ASB11: variants seen among roughly 807,000 people sequenced by gnomAD.
The protein encoded by ASB11 is ankyrin repeat and SOCS box containing 11.
In ASB11, 17 loss-of-function variants were observed where a neutral mutation model predicts 20.1. That is an observed-to-expected ratio of 0.85 (90% CI 0.58 to 1.27). The LOEUF (loss-of-function observed/expected upper bound fraction) is 1.27, where lower values mean the gene tolerates loss of function less well. Among genes scored for constraint, ASB11 ranks in the 50% most tolerant of loss-of-function variants. The pLI is 0.00. For missense variants in ASB11, 259 were observed against 256.9 expected, an observed-to-expected ratio of 1.01 and a Z score of -0.06; for synonymous variants, 107 against 105.6, an observed-to-expected ratio of 1.01 and a Z score of -0.08.
Position 15,289,520 on chromosome X carries a change from C to T in ASB11, c.639G>A (p.Lys213=), listed in dbSNP as rs757762774. The T allele has an allele frequency of 8.3e-7, 1 of 1,199,158 alleles. No individual in the cohort carries two copies. The highest frequency in any genetic ancestry group is 2.3e-5 in the Admixed American group (1 of 43,609). ...ACTYQRVDCV[K]KLLELGASVD... is the part of the protein sequence containing the mutation. ...GGAAATTACCTAATTCTAGAAGTTT[C>T]TTCACACAGTCTACCCTCTGGTAGG... The change falls in exon 5 of 7, where the codon AAG becomes AAA. Residue 213 remains lysine, a synonymous_variant. Coordinates refer to ENST00000480796, the MANE Select transcript of ASB11 (RefSeq NM_080873.3).
At chrX:15,303,087 A>G (rs1921127183) in intron 1 of ASB11, among the ~76,000 whole-genome samples, 1 of 111,735 alleles carries the variant, frequency 8.9e-6, no homozygotes, top group Non-Finnish European at 1.9e-5. Flanking sequence ...GTTCAAAAAT[A>G]TAGTGCTCAG....
At position 15,287,875 on chromosome X, in the gene ASB11, G is replaced by A; in HGVS notation, c.847+6C>T. On this transcript the variant is annotated splice_donor_region_variant and intron_variant, in intron 6 of 6. Transcript: ENST00000480796. ...GAAGAGGAATGGATACCCAGCCCTTGGTTACCTTCACGGAGCAAGAGTGCC... is the reference window on the plus strand; with the variant it reads ...GAAGAGGAATGGATACCCAGCCCTTAGTTACCTTCACGGAGCAAGAGTGCC... 8.4e-7 allele frequency: 1 copy of A among 1,196,525 alleles called. No homozygotes were observed. The highest frequency in any genetic ancestry group is 1.1e-6 in the Non-Finnish European group (1 of 886,442).
chrX:15,301,535 AG>A (rs1254584846), intron 2 of ASB11, among the ~76,000 whole-genome samples: 2 of 110,503 alleles, frequency 1.8e-5, no homozygotes, highest in African/African-American at 6.7e-5. Context: ...AGACAGAGAG[AG>A]AGAGAGAAAG....
intron 1 of ASB11, chrX:15,314,675 G>A (rs1437550632): frequency 1.1e-5 from 6 of 524,929 alleles, no homozygotes; most frequent in African/African-American, 7.7e-5. Flanking sequence ...AAAAATACAC[G>A]GGGAAATTCT....
chrX:15,293,029 G>T, intron 4 of ASB11, 141 bp downstream of exon 4: 1 of 795,788 alleles, frequency 1.3e-6, no homozygotes, highest in Non-Finnish European at 1.8e-6. Flanking sequence ...TGAAGTTACT[G>T]CTGTGGGATT....
chrX:15,286,663 CA>C lies in ASB11; in HGVS notation c.847+1217del, dbSNP rs764801887. 2.8e-3 allele frequency among the ~76,000 whole-genome samples: 150 copies of C among 54,372 alleles called. 1 individual carries two copies. Among genetic ancestry groups the C allele is most frequent in the Middle Eastern group, 0.011 (1 of 92 alleles). The allele number at this position is 54,372 out of a possible 115,157, so 47.2% of individuals were successfully genotyped here. On this transcript the variant is annotated intron_variant, in intron 6 of 6. Transcript: ENST00000480796. Reference sequence around the variant, plus strand: ...CTGGAGACAGAGTGAGACTCCATCTCAAAAAAAAAAAAAAAAAAAAAAGTGC... The same window carrying C: ...CTGGAGACAGAGTGAGACTCCATCTCAAAAAAAAAAAAAAAAAAAAAGTGC...
intron 6 of ASB11, among the ~76,000 whole-genome samples, chrX:15,284,251 C>CAAAAA (rs60542067): frequency 6.9e-5 from 5 of 72,273 alleles, no homozygotes; most frequent in East Asian, 4.2e-4. Context: ...GACTCCGCCT[C>CAAAAA]AAAAAAAAAA....
rs777775669 is a variant in ASB11, at chrX:15,315,510, CA to C, written c.95del (p.Leu32TrpfsTer4). 1 of 1,185,371 alleles carries C rather than the reference CA, an allele frequency of 8.4e-7. No individual in the cohort carries two copies. Among genetic ancestry groups the C allele is most frequent in the Admixed American group, 2.3e-5 (1 of 42,803 alleles). On this transcript the variant is annotated frameshift_variant, in exon 1 of 7. Transcript: ENST00000480796. LOFTEE classifies it high-confidence loss of function. The part of the protein sequence containing the change: ...FFFKLLIKVF[L>X]ALLTHFYIVK... ...CGATATAGAAATGGGTTAGGAGAGC[CA>C]AAAAAACTTTAATTAAAAGCTTAAA...
At position 15,302,766 on chromosome X, in the gene ASB11, G is replaced by A; in HGVS notation, c.223C>T (p.Gln75Ter). 8.3e-7 allele frequency: 1 copy of A among 1,211,000 alleles called. No individual in the cohort carries two copies. Among genetic ancestry groups the A allele is most frequent in the South Asian group, 1.8e-5 (1 of 56,955 alleles). ...DRSPLHEAAA[Q>*]GRLLALKTLI... Reference sequence around the variant, plus strand: ...GTTTTAAGGGCCAGTAAGCGCCCCTGAGCTGCAGCTTCATGAAGTGGGGAT... The same window carrying A: ...GTTTTAAGGGCCAGTAAGCGCCCCTAAGCTGCAGCTTCATGAAGTGGGGAT... Residue 75 changes from glutamine (Q) to a stop codon, truncating the protein, a stop_gained, in exon 2 of 7, where the codon CAG becomes TAG. Coordinates refer to ENST00000480796, the MANE Select transcript of ASB11 (RefSeq NM_080873.3). LOFTEE classifies it high-confidence loss of function.
At chrX:15,305,422 C>T (rs770963434) in intron 1 of ASB11, among the ~76,000 whole-genome samples, 5 of 111,393 alleles carry the variant, frequency 4.5e-5, no homozygotes, top group Admixed American at 9.6e-5. Flanking sequence ...TGACGAAACG[C>T]GCTATCTAAA....
At chrX:15,309,585 G>T (rs12557809) in intron 1 of ASB11, among the ~76,000 whole-genome samples, 17,760 of 110,140 alleles carry the variant, frequency 0.16, 1,401 homozygotes, top group East Asian at 0.53. Flanking sequence ...TGGAGAAATT[G>T]TCTTCCATGA....
At chrX:15,296,448 T>C (rs1602190747) in intron 3 of ASB11, among the ~76,000 whole-genome samples, 1 of 111,975 alleles carries the variant, frequency 8.9e-6, no homozygotes, top group African/African-American at 3.2e-5. Context: ...ATGCAAGGAC[T>C]GAGTTAAACA....
chrX:15,290,649 G>A (rs946123627), intron 4 of ASB11, among the ~76,000 whole-genome samples: 6 of 111,767 alleles, frequency 5.4e-5, no homozygotes, highest in African/African-American at 2.0e-4. Flanking sequence ...AGCTTGCAAA[G>A]AGTTAGTTCT....
At chrX:15,296,144 G>A (rs1474874640) in intron 3 of ASB11, among the ~76,000 whole-genome samples, 2 of 111,515 alleles carry the variant, frequency 1.8e-5, no homozygotes, top group Non-Finnish European at 3.8e-5. Context: ...AGTTACTCAG[G>A]AGGCTGAGGC....
chrX:15,289,407 C>T (rs1927472511), intron 5 of ASB11, 97 bp downstream of exon 5: 7 of 952,936 alleles, frequency 7.3e-6, no homozygotes, highest in South Asian at 5.1e-5. Flanking sequence ...AAATGCTAAC[C>T]GAATATTTTT....
chrX:15,314,416 C>T, intron 1 of ASB11: 1 of 1,200,307 alleles, frequency 8.3e-7, no homozygotes, highest in Non-Finnish European at 1.1e-6. Flanking sequence ...AATCTCTTTC[C>T]ATGGTCCGGA....
rs756456206 is a variant in ASB11 at position 15,296,704 on chromosome X, T to C, written c.369+870A>G. 2.8e-4 allele frequency among the ~76,000 whole-genome samples: 31 copies of C among 112,394 alleles called. No homozygotes were observed. The East Asian group carries it at 8.6e-3, about 31-fold the overall frequency. ...TAAAAATAGTTGTTCATTTAAGGTGTTGAATTAAGAGTGTTTTCTATTGTT... is the reference window on the plus strand; with the variant it reads ...TAAAAATAGTTGTTCATTTAAGGTGCTGAATTAAGAGTGTTTTCTATTGTT... On this transcript the variant is annotated intron_variant, in intron 3 of 6. Transcript: ENST00000480796.
At chrX:15,297,130 A>G (rs1360400634) in intron 3 of ASB11, among the ~76,000 whole-genome samples, 2 of 111,990 alleles carry the variant, frequency 1.8e-5, no homozygotes, top group Admixed American at 9.4e-5. Flanking sequence ...TGTCTCTACT[A>G]AAAATACAAA....
intron 6 of ASB11, among the ~76,000 whole-genome samples, chrX:15,284,132 G>A (rs1344957763): frequency 1.9e-5 from 2 of 106,488 alleles, no homozygotes; most frequent in African/African-American, 7.0e-5. Flanking sequence ...GGTGCCTATA[G>A]TCCCAGCTAC....
Sources: allele counts gnomAD v4.1 joint callset (sites outside exome capture counted in the v4.1 genomes callset), GRCh38; gene constraint gnomAD v4.1.1; transcripts MANE v1.5; gene names NCBI Gene and HGNC (gene_info 2026-07-23, HGNC 2026-07-21).